The following FAF1 variants were observed in gnomAD, a reference collection of about 807,000 sequenced individuals.
The protein encoded by FAF1 is FAS-associated factor 1.
Under a neutral mutation model 92.5 loss-of-function variants are expected in FAF1, and 25 were observed. That is an observed-to-expected ratio of 0.27 (90% CI 0.20 to 0.38). FAF1 has a LOEUF of 0.38. Ranked by LOEUF, FAF1 falls within the 10% of genes least tolerant of loss-of-function variation. The pLI is 1.00. For synonymous variants in FAF1, 234 were observed against 273.2 expected (o/e 0.86, Z 1.42); for missense variants, 636 against 793.3 (o/e 0.80, Z 2.38).
chr1:50,554,390 T>TAGAGAGAGAGAGAGAGAGAG (rs34360366), intron 13 of FAF1, among the ~76,000 whole-genome samples: 21 of 93,652 alleles, frequency 2.2e-4, no homozygotes, highest in African/African-American at 4.7e-4. Context: ...TATATATATA[T>TAGAGAGAGAGAGAGAGAGAG]AGAGAGAGAG....
At chr1:50,718,243 C>G (rs1461772820) in intron 6 of FAF1, among the ~76,000 whole-genome samples, 5 of 152,068 alleles carry the variant, frequency 3.3e-5, no homozygotes, top group Admixed American at 6.6e-5. Context: ...GTTGACCAGG[C>G]TGGACTCAAC....
intron 9 of FAF1, among the ~76,000 whole-genome samples, chr1:50,591,950 CTTTT>C (rs1232985526): frequency 6.6e-6 from 1 of 152,044 alleles, no homozygotes; most frequent in Non-Finnish European, 1.5e-5. Flanking sequence ...CTCCTCTAGT[CTTTT>C]TTTATTTCCT....
chr1:50,549,361 T>G (rs954648134), intron 13 of FAF1, among the ~76,000 whole-genome samples: 45 of 152,008 alleles, frequency 3.0e-4, no homozygotes, highest in Non-Finnish European at 1.2e-4. Context: ...CAGGCTGGAG[T>G]GCAGTGGCAT....
intron 2 of FAF1, among the ~76,000 whole-genome samples, chr1:50,848,267 T>C (rs999869314): frequency 6.6e-6 from 1 of 152,222 alleles, no homozygotes; most frequent in Non-Finnish European, 1.5e-5. Context: ...ATTATGTTCC[T>C]GGCATATGCA....
At chr1:50,527,251 G>T (rs76893666) in intron 15 of FAF1, among the ~76,000 whole-genome samples, 1 of 152,132 alleles carries the variant, frequency 6.6e-6, no homozygotes, top group African/African-American at 2.4e-5. Context: ...ATAATGTTGA[G>T]CTTCTTTTCA....
At chr1:50,486,884 T>C (rs992282356) in intron 17 of FAF1, among the ~76,000 whole-genome samples, 3 of 152,220 alleles carry the variant, frequency 2.0e-5, no homozygotes, top group Non-Finnish European at 4.4e-5. Context: ...AAAAAGGCAG[T>C]ACTCAGGAAG....
At chr1:50,529,787 C>T (rs762779516) in intron 15 of FAF1, among the ~76,000 whole-genome samples, 3 of 152,150 alleles carry the variant, frequency 2.0e-5, no homozygotes, top group Non-Finnish European at 4.4e-5. Context: ...GCCTAAGGAC[C>T]TTGTTTATCT....
intron 2 of FAF1, among the ~76,000 whole-genome samples, chr1:50,820,807 GT>G (rs753376917): frequency 7.9e-4 from 120 of 151,998 alleles, no homozygotes; most frequent in Non-Finnish European, 1.6e-3. Context: ...CTTCCATTTT[GT>G]ATTTGGCAGG....
At chr1:50,932,995 G>A (rs1010458992) in intron 1 of FAF1, among the ~76,000 whole-genome samples, 5 of 152,142 alleles carry the variant, frequency 3.3e-5, no homozygotes, top group Admixed American at 2.0e-4. Context: ...TGGCTGGAGC[G>A]GCTGGGACAC....
At chr1:50,946,100 A>T (rs931317438) in intron 1 of FAF1, among the ~76,000 whole-genome samples, 1 of 152,202 alleles carries the variant, frequency 6.6e-6, no homozygotes, top group Non-Finnish European at 1.5e-5. Flanking sequence ...GACATTATGC[A>T]CTCCATCTCT....
At chr1:50,850,498 C>T (rs983139989) in intron 2 of FAF1, among the ~76,000 whole-genome samples, 2 of 152,084 alleles carry the variant, frequency 1.3e-5, no homozygotes, top group African/African-American at 4.8e-5. Flanking sequence ...AAATTTTAAA[C>T]TTGGCTTTTT....
chr1:50,522,273 G>C, intron 15 of FAF1, among the ~76,000 whole-genome samples: 1 of 152,074 alleles, frequency 6.6e-6, no homozygotes, highest in Non-Finnish European at 1.5e-5. Flanking sequence ...AGTTTTACAA[G>C]GGATCATGAG....
chr1:50,846,797 C>A, intron 2 of FAF1: 2 of 684,790 alleles, frequency 2.9e-6, no homozygotes, highest in East Asian at 3.8e-5. Flanking sequence ...TTGTCCCAAT[C>A]CCACTTAAAG....
rs72904754 is a variant in FAF1 at position 50,905,588 on chromosome 1, A to G, written c.46-47591T>C. ...TAATGATCACCATTGTAACTGTGAGATGGTATCTGATTGTGGTTTTAATTT... is the reference window on the plus strand; with the variant it reads ...TAATGATCACCATTGTAACTGTGAGGTGGTATCTGATTGTGGTTTTAATTT... On this transcript the variant is annotated intron_variant, in intron 1 of 18. Coordinates refer to ENST00000396153, the MANE Select transcript of FAF1 (RefSeq NM_007051.3). Among the ~76,000 whole-genome samples, 351 of 152,246 alleles carry G rather than the reference A, an allele frequency of 2.3e-3. 3 individuals are homozygous for G. The highest frequency in any genetic ancestry group is 8.0e-3 in the African/African-American group (332 of 41,562).
intron 1 of FAF1, among the ~76,000 whole-genome samples, chr1:50,908,922 G>A (rs1012515542): frequency 6.6e-6 from 1 of 152,208 alleles, no homozygotes; most frequent in African/African-American, 2.4e-5. Context: ...TCTTCATGAT[G>A]TTAGCTGGTT....
intron 13 of FAF1, among the ~76,000 whole-genome samples, chr1:50,540,065 G>A (rs1370274350): frequency 3.3e-5 from 5 of 151,786 alleles, no homozygotes; most frequent in African/African-American, 4.8e-5. Context: ...CCCGCCTCCC[G>A]GGTTCAAGCA....
intron 2 of FAF1, among the ~76,000 whole-genome samples, chr1:50,806,930 A>G (rs2124599956): frequency 6.6e-6 from 1 of 152,362 alleles, no homozygotes; most frequent in African/African-American, 2.4e-5. Context: ...AATATCACCC[A>G]CAATGATGAG....
In FAF1 at chr1:50,591,283, CT is replaced by C. The variant is rs1026292638; in HGVS notation, c.840+4837del. 3.5e-4 allele frequency among the ~76,000 whole-genome samples: 54 copies of C among 152,114 alleles called. 1 individual carries two copies. Among genetic ancestry groups the C allele is most frequent in the African/African-American group, 1.3e-3 (54 of 41,416 alleles). On this transcript the variant is annotated intron_variant, in intron 9 of 18. Coordinates refer to ENST00000396153, the MANE Select transcript of FAF1 (RefSeq NM_007051.3). ...ACAGACTCATACCTGATTTCTCTGT[CT>C]TCTGTCTTGTTTCTTTTAAATCTAG... is the stretch of plus-strand genomic sequence containing the variant.
intron 1 of FAF1, among the ~76,000 whole-genome samples, chr1:50,941,668 G>A (rs1389701014): frequency 6.6e-6 from 1 of 152,108 alleles, no homozygotes; most frequent in African/African-American, 2.4e-5. Context: ...GGATGCATTT[G>A]AATTTGCTTT....
Sources: gnomAD v4.1 joint callset for allele counts (sites outside exome capture counted in the v4.1 genomes callset) on GRCh38, gnomAD v4.1.1 for gene constraint, MANE v1.5 for transcripts, NCBI Gene and HGNC (gene_info 2026-07-23, HGNC 2026-07-21) for gene names.